RAB7A: variants seen among roughly 807,000 people sequenced by gnomAD.
RAB7A encodes the protein ras-related protein Rab-7a.
RAB7A carries 2 observed loss-of-function variants against 24.5 expected under a neutral mutation model. The observed-to-expected ratio is 0.08, with a 90% CI of 0.03 to 0.26. RAB7A has a LOEUF of 0.26. RAB7A is among the 10% of genes least tolerant of loss of function. RAB7A has a pLI of 1.00. For synonymous variants in RAB7A, 100 were observed against 95.9 expected, an observed-to-expected ratio of 1.04 and a Z score of -0.25; for missense variants, 118 against 255.7, an observed-to-expected ratio of 0.46 and a Z score of 3.67.
chr3:128,780,975 T>C (rs190049501), intron 1 of RAB7A, among the ~76,000 whole-genome samples: 2 of 152,348 alleles, frequency 1.3e-5, no homozygotes, highest in East Asian at 3.9e-4. Context: ...TCTCCATATC[T>C]TCCTCAAATG....
intron 1 of RAB7A, among the ~76,000 whole-genome samples, chr3:128,789,938 G>A (rs1038566666): frequency 6.6e-6 from 1 of 151,942 alleles, no homozygotes; most frequent in African/African-American, 2.4e-5. Context: ...TTACAAGCGC[G>A]TGCCACCACG....
chr3:128,732,782 G>A (rs1028577422), intron 1 of RAB7A, among the ~76,000 whole-genome samples: 1 of 152,008 alleles, frequency 6.6e-6, no homozygotes, highest in African/African-American at 2.4e-5. Flanking sequence ...GTTTGTGTTC[G>A]TGGCACTGCA....
At chr3:128,755,000 T>C (rs1029096352) in intron 1 of RAB7A, among the ~76,000 whole-genome samples, 1 of 152,138 alleles carries the variant, frequency 6.6e-6, no homozygotes, top group African/African-American at 2.4e-5. Flanking sequence ...TTGAACAATA[T>C]AAGAAACCAA....
chr3:128,778,229 A>G (rs1933138999), intron 1 of RAB7A, among the ~76,000 whole-genome samples: 1 of 152,104 alleles, frequency 6.6e-6, no homozygotes, highest in Non-Finnish European at 1.5e-5. Context: ...AGATCATGCA[A>G]TTTCCTTTAA....
chr3:128,757,750 T>C (rs2070741990), intron 1 of RAB7A, among the ~76,000 whole-genome samples: 1 of 152,136 alleles, frequency 6.6e-6, no homozygotes, highest in Non-Finnish European at 1.5e-5. Context: ...ACTCCTGACC[T>C]CAAGTGATCC....
chr3:128,744,392 G>C (rs1383378703), intron 1 of RAB7A, among the ~76,000 whole-genome samples: 1 of 152,236 alleles, frequency 6.6e-6, no homozygotes, highest in Admixed American at 6.5e-5. Flanking sequence ...AGCCCTCTTA[G>C]AGGGACTGAT....
intron 3 of RAB7A, among the ~76,000 whole-genome samples, chr3:128,801,084 T>G (rs1200820878): frequency 1.3e-5 from 2 of 152,216 alleles, no homozygotes; most frequent in Non-Finnish European, 2.9e-5. Flanking sequence ...ACTTCCCTGG[T>G]AATTCCAGAG....
At chr3:128,774,644 G>A (rs1257639061) in intron 1 of RAB7A, among the ~76,000 whole-genome samples, 1 of 152,146 alleles carries the variant, frequency 6.6e-6, no homozygotes, top group Non-Finnish European at 1.5e-5. Context: ...CACGGTCTTG[G>A]CTCACTGCAA....
chr3:128,784,400 T>G (rs560493688), intron 1 of RAB7A, among the ~76,000 whole-genome samples: 3 of 152,326 alleles, frequency 2.0e-5, no homozygotes, highest in Admixed American at 6.5e-5. Flanking sequence ...CATTCTCTTC[T>G]GCTTTCACAC....
chr3:128,811,132 CT>C (rs1209177395), intron 5 of RAB7A, among the ~76,000 whole-genome samples: 110 of 144,740 alleles, frequency 7.6e-4, no homozygotes, highest in Non-Finnish European at 6.3e-4. Flanking sequence ...TTGATTGATT[CT>C]TTTTTTTTTT....
chr3:128,733,978 C>T (rs1282584551), intron 1 of RAB7A, among the ~76,000 whole-genome samples: 1 of 152,148 alleles, frequency 6.6e-6, no homozygotes, highest in East Asian at 1.9e-4. Context: ...AATTTTAGTT[C>T]CCTCTGGTAG....
At chr3:128,768,366 C>A (rs1042204448) in intron 1 of RAB7A, among the ~76,000 whole-genome samples, 7 of 152,264 alleles carry the variant, frequency 4.6e-5, no homozygotes, top group South Asian at 4.1e-4. Context: ...CTGGCTGTTA[C>A]AACAAAAGCT....
At chr3:128,798,104 T>G in intron 3 of RAB7A, 35 bp downstream of exon 3, 2 of 1,610,590 alleles carry the variant, frequency 1.2e-6, no homozygotes, top group Non-Finnish European at 1.7e-6. Context: ...GACCAGGCCT[T>G]GATAGTTCAT....
In RAB7A at chr3:128,763,275, C is replaced by T. The variant is rs190004376; in HGVS notation, c.-8-32085C>T. 7.4e-3 allele frequency among the ~76,000 whole-genome samples: 982 copies of T among 132,568 alleles called. 6 individuals are homozygous for T. Among genetic ancestry groups the T allele is most frequent in the Admixed American group, 0.017 (191 of 11,214 alleles). The allele number at this position is 132,568 out of a possible 152,430, so 87.0% of individuals were successfully genotyped here. On this transcript the variant is annotated intron_variant, in intron 1 of 5. Transcript: ENST00000265062. ...TGTCGCCCAGGCTGGAGTGTAGTGG[C>T]GCGATCTCAGCTCACTGCAAGCTCC...
chr3:128,755,723 A>AT (rs2070724209), intron 1 of RAB7A, among the ~76,000 whole-genome samples: 2 of 152,042 alleles, frequency 1.3e-5, no homozygotes, highest in South Asian at 4.1e-4. Context: ...ATTTTATTTT[A>AT]TTTTTAACTT....
At chr3:128,810,603 G>A (rs759508968) in intron 5 of RAB7A, among the ~76,000 whole-genome samples, 9 of 151,780 alleles carry the variant, frequency 5.9e-5, no homozygotes, top group Admixed American at 5.9e-4. Flanking sequence ...GAGGACACAT[G>A]AGCAAGGTGT....
At chr3:128,805,235 C>A (rs1003838370) in intron 3 of RAB7A, among the ~76,000 whole-genome samples, 7 of 152,200 alleles carry the variant, frequency 4.6e-5, no homozygotes, top group African/African-American at 1.7e-4. Context: ...TGAGTACCAC[C>A]AGCAGTCCCG....
chr3:128,784,628 C>T (rs1462955514), intron 1 of RAB7A, among the ~76,000 whole-genome samples: 1 of 152,178 alleles, frequency 6.6e-6, no homozygotes, highest in Non-Finnish European at 1.5e-5. Flanking sequence ...CCAGGCACCT[C>T]ATTTTCATAT....
At chr3:128,762,295 A>G (rs557241041) in intron 1 of RAB7A, among the ~76,000 whole-genome samples, 1 of 152,196 alleles carries the variant, frequency 6.6e-6, no homozygotes, top group Non-Finnish European at 1.5e-5. Context: ...AGGGAAAAGA[A>G]AAGTGGAAAT....
Sources: gnomAD v4.1 joint callset for allele counts (sites outside exome capture counted in the v4.1 genomes callset) on GRCh38, gnomAD v4.1.1 for gene constraint, MANE v1.5 for transcripts, NCBI Gene and HGNC (gene_info 2026-07-23, HGNC 2026-07-21) for gene names.